PTPRT: variants seen among roughly 807,000 people sequenced by gnomAD.
PTPRT encodes the protein protein tyrosine phosphatase receptor type T.
PTPRT carries 56 observed loss-of-function variants against 176.8 expected under a neutral mutation model. The observed-to-expected ratio is 0.32, with a 90% CI of 0.26 to 0.40. The LOEUF (loss-of-function observed/expected upper bound fraction) is 0.40. Among genes scored for constraint, PTPRT ranks in the 10% least tolerant of loss-of-function variants. PTPRT has a pLI of 1.00. For synonymous variants in PTPRT, 783 were observed against 739.0 expected (o/e 1.06, Z -0.96); for missense variants, 1,540 against 1,908.2 (o/e 0.81, Z 3.60).
At chr20:42,554,206 A>G (rs567160936) in intron 7 of PTPRT, among the ~76,000 whole-genome samples, 2 of 152,230 alleles carry the variant, frequency 1.3e-5, no homozygotes, top group African/African-American at 4.8e-5. Context: ...GGGCATCCTT[A>G]AAATATTTTT....
chr20:42,894,942 A>G (rs1485006523), intron 1 of PTPRT, among the ~76,000 whole-genome samples: 1 of 152,204 alleles, frequency 6.6e-6, no homozygotes, highest in Non-Finnish European at 1.5e-5. Context: ...GGCCTCACAT[A>G]GTAATCGCTG....
chr20:42,918,407 T>C (rs752710002), intron 1 of PTPRT, among the ~76,000 whole-genome samples: 1 of 152,188 alleles, frequency 6.6e-6, no homozygotes, highest in Non-Finnish European at 1.5e-5. Context: ...CTATTCTTTG[T>C]CTCAGAAATG....
intron 1 of PTPRT, among the ~76,000 whole-genome samples, chr20:42,899,663 G>T (rs1402255060): frequency 1.3e-5 from 2 of 152,196 alleles, no homozygotes; most frequent in East Asian, 3.8e-4. Flanking sequence ...CAGGAAGTGT[G>T]CATCCCTTTT....
At position 43,167,140 on chromosome 20, in the gene PTPRT, T is replaced by C. The variant is rs76008804; in HGVS notation, c.88+22506A>G. ...TTACTCTTGACAGGTTTGGACCTCT[T>C]AAAAATCCAAAGGCATTCAACCCTT... On this transcript the variant is annotated intron_variant, in intron 1 of 30. Coordinates refer to ENST00000373187, the MANE Select transcript of PTPRT (RefSeq NM_007050.6). Among the ~76,000 whole-genome samples the C allele has an allele frequency of 4.7e-3, 713 of 152,258 alleles. 2 individuals carry two copies. Among genetic ancestry groups the C allele is most frequent in the Non-Finnish European group, 7.4e-3 (506 of 68,008 alleles).
intron 9 of PTPRT, among the ~76,000 whole-genome samples, chr20:42,398,206 T>C (rs1216977911): frequency 2.6e-5 from 4 of 152,000 alleles, no homozygotes; most frequent in African/African-American, 7.2e-5. Context: ...AAACAATAGA[T>C]TAAAAGGAAT....
At chr20:42,472,239 C>A in intron 8 of PTPRT, 27 bp downstream of exon 8, 2 of 1,602,734 alleles carry the variant, frequency 1.2e-6, no homozygotes, top group Non-Finnish European at 1.7e-6. Context: ...ATCCCCATTC[C>A]CATGTAAGCT....
chr20:42,855,185 G>C (rs530581696), intron 2 of PTPRT, among the ~76,000 whole-genome samples: 1 of 152,280 alleles, frequency 6.6e-6, no homozygotes, highest in East Asian at 1.9e-4. Context: ...GGCTATGAAA[G>C]AGTGTATTTA....
chr20:42,367,732 G>T (rs1212038907), intron 9 of PTPRT, among the ~76,000 whole-genome samples: 2 of 152,154 alleles, frequency 1.3e-5, no homozygotes, highest in African/African-American at 4.8e-5. Context: ...GAGGGAATTA[G>T]CTAAGTGGAT....
intron 1 of PTPRT, among the ~76,000 whole-genome samples, chr20:43,071,547 G>C (rs1340414402): frequency 6.6e-6 from 1 of 152,136 alleles, no homozygotes; most frequent in Non-Finnish European, 1.5e-5. Flanking sequence ...CACTTTGAGG[G>C]GGCCGATGCA....
At chr20:42,670,507 C>G (rs1569071834) in intron 7 of PTPRT, among the ~76,000 whole-genome samples, 1 of 152,128 alleles carries the variant, frequency 6.6e-6, no homozygotes, top group Non-Finnish European at 1.5e-5. Context: ...TTTTATCCCC[C>G]TGGAGAAAAG....
intron 9 of PTPRT, among the ~76,000 whole-genome samples, chr20:42,419,471 T>A (rs1267751732): frequency 6.6e-6 from 1 of 152,132 alleles, no homozygotes; most frequent in Non-Finnish European, 1.5e-5. Context: ...TTGAACCACC[T>A]CCTTTTCTTA....
intron 8 of PTPRT, among the ~76,000 whole-genome samples, chr20:42,470,018 AAAG>A (rs1338400786): frequency 2.0e-5 from 3 of 152,324 alleles, no homozygotes; most frequent in South Asian, 2.1e-4. Flanking sequence ...ACACACAAAG[AAAG>A]AAGAAAATGA....
intron 20 of PTPRT, among the ~76,000 whole-genome samples, chr20:42,118,874 T>G (rs923126816): frequency 3.6e-4 from 54 of 151,512 alleles, no homozygotes; most frequent in African/African-American, 1.2e-3. Context: ...AGAACCTCCA[T>G]GAGAGACAGG....
At chr20:42,651,697 C>G (rs2075033624) in intron 7 of PTPRT, among the ~76,000 whole-genome samples, 1 of 152,102 alleles carries the variant, frequency 6.6e-6, no homozygotes, top group Admixed American at 6.6e-5. Flanking sequence ...CACTCATTAG[C>G]TCTGTGACCA....
intron 2 of PTPRT, among the ~76,000 whole-genome samples, chr20:42,863,150 C>T (rs913208381): frequency 6.6e-6 from 1 of 152,222 alleles, no homozygotes; most frequent in Non-Finnish European, 1.5e-5. Flanking sequence ...GATAGGAAAT[C>T]CCGTGCTCTC....
chr20:42,171,975 G>C (rs568365873), intron 16 of PTPRT, among the ~76,000 whole-genome samples: 1 of 152,138 alleles, frequency 6.6e-6, no homozygotes, highest in South Asian at 2.1e-4. Flanking sequence ...ATCCCCATAG[G>C]AGAGAGTCAG....
intron 6 of PTPRT, chr20:42,685,569 C>T (rs1198385253): frequency 1.3e-5 from 2 of 152,110 alleles, no homozygotes; most frequent in Non-Finnish European, 2.9e-5. Context: ...ACTTTAGCTT[C>T]GGCCATCATC....
intron 6 of PTPRT, among the ~76,000 whole-genome samples, chr20:42,730,809 T>C (rs1440670578): frequency 1.3e-5 from 2 of 152,156 alleles, no homozygotes; most frequent in African/African-American, 2.4e-5. Flanking sequence ...TCCTCTAACC[T>C]CAGTTTGGGG....
At chr20:42,070,429 A>C (rs1219343409), downstream of PTPRT, among the ~76,000 whole-genome samples, 4 of 151,834 alleles carry the variant, frequency 2.6e-5, no homozygotes, top group African/African-American at 9.7e-5. Context: ...TGCCAGTATC[A>C]TCAGTCTCTC....
Sources: allele counts gnomAD v4.1 joint callset (sites outside exome capture counted in the v4.1 genomes callset), GRCh38; gene constraint gnomAD v4.1.1; transcripts MANE v1.5; gene names NCBI Gene and HGNC (gene_info 2026-07-23, HGNC 2026-07-21).